The following PTPRT variants were observed in gnomAD, a reference collection of about 807,000 sequenced individuals.
The protein encoded by PTPRT is receptor-type tyrosine-protein phosphatase T.
A neutral mutation model predicts 176.8 loss-of-function variants in PTPRT; 56 were observed. The ratio of observed to expected loss-of-function variants is 0.32; its 90% CI spans 0.26 to 0.40. The LOEUF is 0.40. Among genes scored for constraint, PTPRT ranks in the 10% least tolerant of loss-of-function variants. The pLI is 1.00. For synonymous variants in PTPRT, 783 were observed against 739.0 expected, an observed-to-expected ratio of 1.06 and a Z score of -0.96; for missense variants, 1,540 against 1,908.2, an observed-to-expected ratio of 0.81 and a Z score of 3.60.
At chr20:42,632,332 G>A (rs1458142317) in intron 7 of PTPRT, among the ~76,000 whole-genome samples, 1 of 152,090 alleles carries the variant, frequency 6.6e-6, no homozygotes, top group Non-Finnish European at 1.5e-5. Context: ...TCTGCCTCCT[G>A]CATTCCAGCG....
chr20:42,305,500 A>G (rs1421438304), intron 12 of PTPRT, among the ~76,000 whole-genome samples: 1 of 151,396 alleles, frequency 6.6e-6, no homozygotes, highest in Non-Finnish European at 1.5e-5. Flanking sequence ...TATAAATTTC[A>G]TAAAATTTAC....
chr20:42,953,920 C>A (rs1248425336), intron 1 of PTPRT, among the ~76,000 whole-genome samples: 1 of 152,140 alleles, frequency 6.6e-6, no homozygotes, highest in African/African-American at 2.4e-5. Context: ...GCAAAAATAT[C>A]CCCAGAATGG....
intron 1 of PTPRT, among the ~76,000 whole-genome samples, chr20:43,175,734 G>A (rs866686268): frequency 5.0e-4 from 33 of 66,288 alleles, no homozygotes; most frequent in Non-Finnish European, 8.2e-4. Flanking sequence ...GCAACAGAGC[G>A]AGACCCTGGG....
chr20:42,385,444 G>T (rs1325880080), intron 9 of PTPRT, among the ~76,000 whole-genome samples: 1 of 152,152 alleles, frequency 6.6e-6, no homozygotes, highest in Non-Finnish European at 1.5e-5. Context: ...TGGTTGCTAG[G>T]TGCTGGGTAG....
chr20:42,208,654 G>A (rs1395279086), intron 15 of PTPRT, among the ~76,000 whole-genome samples: 1 of 151,958 alleles, frequency 6.6e-6, no homozygotes, highest in South Asian at 2.1e-4. Context: ...CAAGTCCTGA[G>A]TGACCTACAA....
chr20:42,801,995 G>C (rs565057967), intron 2 of PTPRT, among the ~76,000 whole-genome samples: 2 of 152,326 alleles, frequency 1.3e-5, no homozygotes, highest in South Asian at 2.1e-4. Flanking sequence ...AAGGGTGATA[G>C]AGCCAGCATT....
intron 1 of PTPRT, among the ~76,000 whole-genome samples, chr20:43,188,758 G>GGC (rs1568834795): frequency 6.7e-6 from 1 of 149,564 alleles, no homozygotes; most frequent in Admixed American, 6.7e-5. Context: ...TTGGGGGGGG[G>GGC]GGGGCTCGGG....
intron 7 of PTPRT, among the ~76,000 whole-genome samples, chr20:42,583,655 T>C (rs1031171121): frequency 1.3e-5 from 2 of 152,172 alleles, no homozygotes; most frequent in South Asian, 2.1e-4. Context: ...TCATGCATTA[T>C]CTTCTCTCAT....
chr20:42,870,033 C>T (rs865806350), intron 2 of PTPRT, among the ~76,000 whole-genome samples: 3 of 152,060 alleles, frequency 2.0e-5, no homozygotes, highest in Non-Finnish European at 2.9e-5. Context: ...ATAATGGTGC[C>T]TTAATCTTGG....
At chr20:42,990,094 C>T (rs1040407830) in intron 1 of PTPRT, among the ~76,000 whole-genome samples, 23 of 152,242 alleles carry the variant, frequency 1.5e-4, no homozygotes, top group African/African-American at 3.9e-4. Flanking sequence ...TATCATCTTA[C>T]GAAGCCGTCA....
chr20:42,577,638 C>G (rs1172971954), intron 7 of PTPRT, among the ~76,000 whole-genome samples: 1 of 152,154 alleles, frequency 6.6e-6, no homozygotes, highest in Non-Finnish European at 1.5e-5. Flanking sequence ...CGGTGACTGC[C>G]TAGACTGCTT....
chr20:42,810,971 T>G (rs2077689736), intron 2 of PTPRT, among the ~76,000 whole-genome samples: 1 of 152,222 alleles, frequency 6.6e-6, no homozygotes, highest in Non-Finnish European at 1.5e-5. Flanking sequence ...TTTATGCTCT[T>G]TAAATTTTAA....
chr20:43,178,739 C>T (rs1414474621), intron 1 of PTPRT, among the ~76,000 whole-genome samples: 1 of 152,120 alleles, frequency 6.6e-6, no homozygotes, highest in Non-Finnish European at 1.5e-5. Flanking sequence ...CATGGTACCC[C>T]CACCTCCCTC....
At chr20:42,244,278 T>C (rs1194564716) in intron 14 of PTPRT, among the ~76,000 whole-genome samples, 2 of 152,212 alleles carry the variant, frequency 1.3e-5, no homozygotes, top group African/African-American at 2.4e-5. Context: ...TCACAGAGAA[T>C]TGATGTATAA....
rs1015530944 is a variant in PTPRT, at chr20:42,104,557, A to G, written c.3540+12T>C. 1.2e-6 allele frequency: 2 copies of G among 1,608,796 alleles called. No homozygotes were observed. Among genetic ancestry groups the G allele is most frequent in the African/African-American group, 2.7e-5 (2 of 74,916 alleles). ...GACTAAGATGGTCACCGAGCCTGGG[A>G]TTTGCTCATACCTGAAATTCATCTT... On this transcript the variant is annotated intron_variant, in intron 25 of 30. Transcript: ENST00000373187.
chr20:42,702,353 A>G (rs1341851849), intron 6 of PTPRT, among the ~76,000 whole-genome samples: 1 of 152,154 alleles, frequency 6.6e-6, no homozygotes, highest in Non-Finnish European at 1.5e-5. Context: ...TCCAGGGATC[A>G]ACACGGATAA....
intron 7 of PTPRT, among the ~76,000 whole-genome samples, chr20:42,558,339 A>G (rs902877537): frequency 6.6e-6 from 1 of 152,162 alleles, no homozygotes; most frequent in African/African-American, 2.4e-5. Flanking sequence ...TGTATGGTAC[A>G]TGTACCATGT....
At chr20:42,826,278 G>T (rs2077991534) in intron 2 of PTPRT, among the ~76,000 whole-genome samples, 1 of 152,100 alleles carries the variant, frequency 6.6e-6, no homozygotes, top group African/African-American at 2.4e-5. Context: ...GCTTATCTTT[G>T]GAAAAATTTA....
At chr20:42,039,526 CCT>C in the PTPRT span, among the ~76,000 whole-genome samples, 25 of 151,946 alleles carry the variant, frequency 1.6e-4, no homozygotes, top group African/African-American at 6.0e-4. Context: ...CATTTTATTC[CCT>C]ATTTCTATGA....
Sources: gnomAD v4.1 joint callset for allele counts (sites outside exome capture counted in the v4.1 genomes callset) on GRCh38, gnomAD v4.1.1 for gene constraint, MANE v1.5 for transcripts, NCBI Gene and HGNC (gene_info 2026-07-23, HGNC 2026-07-21) for gene names.